The following CFAP70 variants were observed in gnomAD, a reference collection of about 807,000 sequenced individuals.
CFAP70 encodes the protein cilia and flagella associated protein 70.
CFAP70 carries 81 observed loss-of-function variants against 137.6 expected under a neutral mutation model. That is an observed-to-expected ratio of 0.59 (90% CI 0.49 to 0.71). CFAP70 has a LOEUF of 0.71. Among genes scored for constraint, CFAP70 ranks in the 30% least tolerant of loss-of-function variants. The probability of loss-of-function intolerance (pLI) is 0.00; values close to 1 mark genes in which losing one functional copy is unlikely to be tolerated. For synonymous variants in CFAP70, 382 were observed against 423.6 expected (o/e 0.90, Z 1.20); for missense variants, 976 against 1,226.7 (o/e 0.80, Z 3.05).
intron 9 of CFAP70, among the ~76,000 whole-genome samples, chr10:73,313,084 C>T (rs1286694823): frequency 2.0e-5 from 3 of 151,938 alleles, no homozygotes; most frequent in Non-Finnish European, 2.9e-5. Context: ...AAAAGATCAG[C>T]GAGGTGGGCC....
chr10:73,330,226 T>G (rs971369052), intron 8 of CFAP70, among the ~76,000 whole-genome samples: 11 of 151,226 alleles, frequency 7.3e-5, no homozygotes, highest in Non-Finnish European at 1.3e-4. Context: ...CTGAGGCGGG[T>G]GGATCATGAG....
intron 25 of CFAP70, among the ~76,000 whole-genome samples, chr10:73,266,497 G>A (rs886981142): frequency 1.3e-5 from 2 of 152,104 alleles, no homozygotes; most frequent in East Asian, 1.9e-4. Flanking sequence ...GGAACCTCCA[G>A]TATAGTTTCA....
chr10:73,325,822 C>T (rs1180198538), intron 8 of CFAP70, among the ~76,000 whole-genome samples: 1 of 152,094 alleles, frequency 6.6e-6, no homozygotes, highest in Admixed American at 6.6e-5. Context: ...TACAGGAGCA[C>T]CCACATTCAT....
chr10:73,266,950 A>G (rs2045836155), intron 25 of CFAP70, among the ~76,000 whole-genome samples: 1 of 148,776 alleles, frequency 6.7e-6, no homozygotes, highest in Non-Finnish European at 1.5e-5. Context: ...TTACTACTTT[A>G]TTTATTTAAA....
intron 9 of CFAP70, among the ~76,000 whole-genome samples, chr10:73,320,381 T>A (rs947076286): frequency 4.6e-5 from 7 of 152,122 alleles, no homozygotes; most frequent in Non-Finnish European, 8.8e-5. Flanking sequence ...CGGAGTACAG[T>A]AGAACAATCA....
intron 25 of CFAP70, among the ~76,000 whole-genome samples, chr10:73,261,558 C>G (rs1416233175): frequency 5.9e-5 from 9 of 151,532 alleles, no homozygotes; most frequent in African/African-American, 2.2e-4. Context: ...TCATTCACTA[C>G]CAGGAGAACA....
chr10:73,288,070 G>GT (rs1445750015), intron 19 of CFAP70, among the ~76,000 whole-genome samples: 3 of 151,836 alleles, frequency 2.0e-5, no homozygotes, highest in Middle Eastern at 3.2e-3. Context: ...GCTAATTTTT[G>GT]TTTTTTTAGT....
At chr10:73,287,956 G>A (rs766056744) in intron 19 of CFAP70, among the ~76,000 whole-genome samples, 1 of 151,970 alleles carries the variant, frequency 6.6e-6, no homozygotes, top group African/African-American at 2.4e-5. Flanking sequence ...GGAGTGCAGT[G>A]GCGCAATCTG....
At chr10:73,282,377 A>AC (rs201772244) in intron 19 of CFAP70, among the ~76,000 whole-genome samples, 117 of 141,150 alleles carry the variant, frequency 8.3e-4, no homozygotes, top group African/African-American at 3.4e-3. Flanking sequence ...TCACACACAC[A>AC]AAAAAAAAAA....
rs113163680 is a variant in CFAP70 at position 73,277,171 on chromosome 10, C to T, written c.2520+69G>A. ...CACAAATATGGAAGCTTGAAAGATA[C>T]CATTATGGATAGAATAAAGAGTTTG... On this transcript the variant is annotated intron_variant, in intron 21 of 26. Coordinates refer to ENST00000310715, the Ensembl canonical transcript of CFAP70. 25 of 1,487,226 alleles carry T rather than the reference C, an allele frequency of 1.7e-5. 1 individual carries two copies. In the South Asian group the frequency reaches 1.9e-4, roughly 12 times the overall value. 92.1% of individuals were successfully genotyped at this position (1,487,226 alleles called of 1,614,324 possible).
At chr10:73,351,143 G>A (rs1240624833) in intron 3 of CFAP70, among the ~76,000 whole-genome samples, 1 of 129,782 alleles carries the variant, frequency 7.7e-6, no homozygotes, top group African/African-American at 2.9e-5. Context: ...TTGTGAGACG[G>A]AGTCTTGCTT....
At chr10:73,287,828 GA>G (rs919468588) in intron 19 of CFAP70, among the ~76,000 whole-genome samples, 5 of 151,864 alleles carry the variant, frequency 3.3e-5, no homozygotes, top group African/African-American at 1.2e-4. Context: ...CTCTAGGGGG[GA>G]AAAATGGACT....
intron 8 of CFAP70, among the ~76,000 whole-genome samples, chr10:73,327,403 A>C (rs1460595019): frequency 1.3e-5 from 2 of 149,316 alleles, no homozygotes; most frequent in African/African-American, 5.0e-5. Flanking sequence ...CAAAAACTGG[A>C]AGCCTTCCCT....
chr10:73,290,156 G>C (rs1256919228), intron 19 of CFAP70, among the ~76,000 whole-genome samples: 1 of 151,852 alleles, frequency 6.6e-6, no homozygotes, highest in Admixed American at 6.6e-5. Context: ...TGAACTAATT[G>C]TGGTATATCC....
At chr10:73,301,041 T>C (rs751385368) in intron 12 of CFAP70, among the ~76,000 whole-genome samples, 4 of 152,046 alleles carry the variant, frequency 2.6e-5, no homozygotes, top group Non-Finnish European at 5.9e-5. Context: ...ATGCTAGTAA[T>C]ATGTCCCATA....
At chr10:73,336,647 G>A (rs866269378) in intron 6 of CFAP70, among the ~76,000 whole-genome samples, 13 of 146,758 alleles carry the variant, frequency 8.9e-5, no homozygotes, top group Middle Eastern at 3.4e-3. Flanking sequence ...GCAGTGGCGC[G>A]ATCTCGGCTC....
At chr10:73,345,378 A>G in intron 4 of CFAP70, 134 bp from the exon 6 acceptor site, 1 of 807,516 alleles carries the variant, frequency 1.2e-6, no homozygotes, top group Non-Finnish European at 1.9e-6. Context: ...AGTTGAAACC[A>G]TGTTCTCTAA....
chr10:73,353,486 G>T, intron 3 of CFAP70, 70 bp downstream of exon 3: 1 of 1,358,320 alleles, frequency 7.4e-7, no homozygotes. Context: ...TTTTGGTTGT[G>T]CTTTTCCCAT....
At chr10:73,336,760 T>A (rs964828869) in intron 6 of CFAP70, among the ~76,000 whole-genome samples, 4 of 151,890 alleles carry the variant, frequency 2.6e-5, no homozygotes, top group African/African-American at 9.7e-5. Context: ...TAATTTTTTG[T>A]ATTTTTTTTA....
Sources: allele counts gnomAD v4.1 joint callset (sites outside exome capture counted in the v4.1 genomes callset), GRCh38; gene constraint gnomAD v4.1.1; transcripts MANE v1.5; gene names NCBI Gene and HGNC (gene_info 2026-07-23, HGNC 2026-07-21).